Variants in SNTB1 observed in about 807,000 individuals in gnomAD.
SNTB1 encodes beta-1-syntrophin.
Under a neutral mutation model 48.9 loss-of-function variants are expected in SNTB1, and 36 were observed. The ratio of observed to expected loss-of-function variants is 0.74; its 90% CI spans 0.56 to 0.97. The LOEUF is 0.97. SNTB1 is among the 50% of genes least tolerant of loss of function. The pLI is 0.00. For synonymous variants in SNTB1, 299 were observed against 294.6 expected (o/e 1.01, Z -0.15); for missense variants, 786 against 703.4 (o/e 1.12, Z -1.33).
intron 1 of SNTB1, among the ~76,000 whole-genome samples, chr8:120,756,528 A>G (rs1441009963): frequency 6.6e-6 from 1 of 152,136 alleles, no homozygotes; most frequent in African/African-American, 2.4e-5. Context: ...CAACAGAGTA[A>G]GGAAAAGTAG....
intron 1 of SNTB1, among the ~76,000 whole-genome samples, chr8:120,775,911 T>C (rs570920739): frequency 6.6e-6 from 1 of 152,162 alleles, no homozygotes; most frequent in Non-Finnish European, 1.5e-5. Flanking sequence ...ATACTTTAAG[T>C]TCTAGGGTAC....
chr8:120,576,933 G>C (rs140181181), intron 3 of SNTB1, among the ~76,000 whole-genome samples: 1 of 152,194 alleles, frequency 6.6e-6, no homozygotes, highest in Non-Finnish European at 1.5e-5. Flanking sequence ...TGTGTGTAAT[G>C]TGTTTGGCAT....
chr8:120,591,858 G>A (rs538782214), intron 3 of SNTB1, among the ~76,000 whole-genome samples: 1 of 152,062 alleles, frequency 6.6e-6, no homozygotes, highest in Non-Finnish European at 1.5e-5. Context: ...AGTCTCAGTG[G>A]CTACAAAGAT....
At position 120,590,028 on chromosome 8, in the gene SNTB1, T is replaced by C. The variant is rs114507716; in HGVS notation, c.997-14803A>G. Reference sequence around the variant, plus strand: ...ACCCTCCTCTAACAATTCCAACACATCAGAGTCTTCCACCTCCACCCCATT... The same window carrying C: ...ACCCTCCTCTAACAATTCCAACACACCAGAGTCTTCCACCTCCACCCCATT... On this transcript the variant is annotated intron_variant, in intron 3 of 6. Transcript: ENST00000517992. Among the ~76,000 whole-genome samples the C allele has an allele frequency of 9.3e-3, 1,413 of 152,220 alleles. 25 individuals are homozygous for C. The highest frequency in any genetic ancestry group is 0.033 in the African/African-American group (1,361 of 41,540).
chr8:120,701,805 T>A (rs1818313513), intron 1 of SNTB1, among the ~76,000 whole-genome samples: 1 of 152,216 alleles, frequency 6.6e-6, no homozygotes, highest in Admixed American at 6.5e-5. Context: ...TCTGAAGAAG[T>A]CATAGGACGT....
At chr8:120,700,072 A>C (rs1818279302) in intron 1 of SNTB1, among the ~76,000 whole-genome samples, 2 of 152,168 alleles carry the variant, frequency 1.3e-5, no homozygotes, top group Non-Finnish European at 1.5e-5. Flanking sequence ...TGGCAGAAGC[A>C]TGAGGTGAAT....
chr8:120,602,283 T>C (rs1191008450), intron 3 of SNTB1, among the ~76,000 whole-genome samples: 1 of 152,206 alleles, frequency 6.6e-6, no homozygotes, highest in African/African-American at 2.4e-5. Context: ...CTCTGTGTGA[T>C]GGTAAATTTT....
At chr8:120,746,180 TTCC>T (rs996300295) in intron 1 of SNTB1, among the ~76,000 whole-genome samples, 129 of 152,220 alleles carry the variant, frequency 8.5e-4, no homozygotes, top group Middle Eastern at 3.4e-3. Flanking sequence ...ACCCCTCTTC[TTCC>T]TCCTCCTCCT....
intron 1 of SNTB1, among the ~76,000 whole-genome samples, chr8:120,703,163 C>T (rs188688886): frequency 1.3e-5 from 2 of 152,268 alleles, no homozygotes; most frequent in African/African-American, 4.8e-5. Flanking sequence ...CTGGCTTTGT[C>T]GCCCAGGCTG....
intron 3 of SNTB1, among the ~76,000 whole-genome samples, chr8:120,589,269 G>A (rs895084294): frequency 2.6e-5 from 4 of 152,118 alleles, no homozygotes; most frequent in Non-Finnish European, 4.4e-5. Flanking sequence ...CGCTGAGATC[G>A]GTTGACCTGA....
At chr8:120,566,683 G>A (rs1815754353) in intron 4 of SNTB1, among the ~76,000 whole-genome samples, 1 of 152,204 alleles carries the variant, frequency 6.6e-6, no homozygotes, top group East Asian at 1.9e-4. Flanking sequence ...CTGGAGGCTT[G>A]TTAAAATCAA....
At chr8:120,593,665 C>A (rs1041520988) in intron 3 of SNTB1, among the ~76,000 whole-genome samples, 3 of 152,140 alleles carry the variant, frequency 2.0e-5, no homozygotes, top group African/African-American at 7.2e-5. Flanking sequence ...TAAGAAGGGA[C>A]AAATCATTAG....
intron 2 of SNTB1, among the ~76,000 whole-genome samples, chr8:120,633,996 T>C (rs962437540): frequency 1.3e-5 from 2 of 152,144 alleles, no homozygotes; most frequent in Non-Finnish European, 2.9e-5. Context: ...AACTACTCCA[T>C]CACCACAAAG....
At chr8:120,802,325 A>G (rs1383246625) in intron 1 of SNTB1, among the ~76,000 whole-genome samples, 2 of 152,170 alleles carry the variant, frequency 1.3e-5, no homozygotes, top group Non-Finnish European at 2.9e-5. Context: ...CTTTCAAAGA[A>G]GTTTGAAGTT....
rs115760119 is a variant in SNTB1 at position 120,572,435 on chromosome 8, A to T, written c.1136+2651T>A. ...AAAGAAACAGGTGTAGAAGGAATAC[A>T]AACAGCTCACTGTCATAAAGCACAA... On this transcript the variant is annotated intron_variant, in intron 4 of 6. Transcript: ENST00000517992. 6.3e-3 allele frequency among the ~76,000 whole-genome samples: 961 copies of T among 152,336 alleles called. 12 individuals are homozygous for T. Among genetic ancestry groups the T allele is most frequent in the African/African-American group, 0.021 (889 of 41,576 alleles).
chr8:120,668,688 A>G (rs1817712940), intron 2 of SNTB1, among the ~76,000 whole-genome samples: 2 of 152,210 alleles, frequency 1.3e-5, no homozygotes, highest in South Asian at 2.1e-4. Context: ...TCTGTATATT[A>G]TCCATGCTTT....
intron 1 of SNTB1, among the ~76,000 whole-genome samples, chr8:120,808,560 C>T (rs1820375371): frequency 6.6e-6 from 1 of 152,198 alleles, no homozygotes; most frequent in African/African-American, 2.4e-5. Context: ...TAACTACTTC[C>T]AGCGGATATT....
At chr8:120,576,550 A>T (rs1815954047) in intron 3 of SNTB1, among the ~76,000 whole-genome samples, 1 of 152,154 alleles carries the variant, frequency 6.6e-6, no homozygotes, top group Admixed American at 6.5e-5. Flanking sequence ...CCTAAATCTG[A>T]GTCTGTTATT....
chr8:120,726,505 G>T (rs1210719108), intron 1 of SNTB1, among the ~76,000 whole-genome samples: 3 of 152,242 alleles, frequency 2.0e-5, no homozygotes, highest in Admixed American at 1.3e-4. Flanking sequence ...ACAAAATTAT[G>T]AATGAATCTT....
Sources: gnomAD v4.1 joint callset for allele counts (sites outside exome capture counted in the v4.1 genomes callset) on GRCh38, gnomAD v4.1.1 for gene constraint, MANE v1.5 for transcripts, NCBI Gene and HGNC (gene_info 2026-07-23, HGNC 2026-07-21) for gene names.